GKAP1: variants seen among roughly 807,000 people sequenced by gnomAD.
GKAP1 encodes the protein G kinase anchoring protein 1, also known as G kinase-anchoring protein 1.
A neutral mutation model predicts 56.7 loss-of-function variants in GKAP1; 31 were observed. That is an observed-to-expected ratio of 0.55 (90% confidence interval 0.41 to 0.74). The LOEUF (loss-of-function observed/expected upper bound fraction) is 0.74, where lower values mean the gene tolerates loss of function less well. Ranked by LOEUF, GKAP1 falls within the 30% of genes least tolerant of loss-of-function variation. The probability of loss-of-function intolerance (pLI) is 0.00; values close to 1 mark genes in which losing one functional copy is unlikely to be tolerated. For synonymous variants in GKAP1, 151 were observed against 138.6 expected (o/e 1.09, Z -0.63); for missense variants, 364 against 402.3 (o/e 0.90, Z 0.82).
intron 4 of GKAP1, among the ~76,000 whole-genome samples, 167 bp downstream of exon 4, chr9:83,799,018 T>C (rs969736207): frequency 6.6e-6 from 1 of 152,150 alleles, no homozygotes; most frequent in Admixed American, 6.5e-5. Flanking sequence ...ATCACTTTTG[T>C]TTTTCAGTAG....
At chr9:83,783,546 G>A (rs1322797004) in intron 6 of GKAP1, among the ~76,000 whole-genome samples, 3 of 152,160 alleles carry the variant, frequency 2.0e-5, no homozygotes, top group East Asian at 3.8e-4. Context: ...ATCTTCAAAA[G>A]TTTAGTGGAT....
At chr9:83,807,034 G>C (rs917185264) in intron 2 of GKAP1, among the ~76,000 whole-genome samples, 6 of 152,288 alleles carry the variant, frequency 3.9e-5, no homozygotes, top group African/African-American at 1.4e-4. Flanking sequence ...CCATAGGTTT[G>C]ATTCTAGAGA....
At chr9:83,760,591 C>T (rs7849343) in intron 8 of GKAP1, among the ~76,000 whole-genome samples, 85,676 of 151,966 alleles carry the variant, frequency 0.56, 24,764 homozygotes, top group Admixed American at 0.7. Context: ...ACACAGATCA[C>T]TCTCAAGGAT....
At chr9:83,783,544 A>C (rs1354944686) in intron 6 of GKAP1, among the ~76,000 whole-genome samples, 1 of 152,246 alleles carries the variant, frequency 6.6e-6, no homozygotes, top group African/African-American at 2.4e-5. Flanking sequence ...TTATCTTCAA[A>C]AGTTTAGTGG....
intron 3 of GKAP1, among the ~76,000 whole-genome samples, chr9:83,800,271 C>T (rs1467716592): frequency 1.3e-5 from 2 of 151,242 alleles, no homozygotes; most frequent in Non-Finnish European, 2.9e-5. Context: ...ATGAGTTAGC[C>T]CTGTTCTGCA....
At chr9:83,784,126 G>A (rs1310664566) in intron 6 of GKAP1, among the ~76,000 whole-genome samples, 1 of 151,748 alleles carries the variant, frequency 6.6e-6, no homozygotes, top group Admixed American at 6.5e-5. Flanking sequence ...GACTAGTTGG[G>A]CATGGTGGCA....
In GKAP1 at chr9:83,784,942, G is replaced by A. The variant is rs577688020; in HGVS notation, c.439-104C>T. ...AAAGTTTATTTTTTAAAGATAAAAGGCAAATAAAAAACCAAAATTTAGGCT... is the reference window on the plus strand; with the variant it reads ...AAAGTTTATTTTTTAAAGATAAAAGACAAATAAAAAACCAAAATTTAGGCT... On this transcript the variant is annotated intron_variant, in intron 5 of 12. Transcript: ENST00000376371. 226 of 1,032,420 alleles carry A rather than the reference G, an allele frequency of 2.2e-4. 1 individual carries two copies. In the East Asian group the frequency reaches 6.4e-3, roughly 29 times the overall value. 64.0% of individuals were successfully genotyped at this position (1,032,420 alleles called of 1,614,324 possible). A position where few individuals can be genotyped will look rare whatever the true frequency, so the allele number is the denominator to read the frequency against.
intron 10 of GKAP1, among the ~76,000 whole-genome samples, chr9:83,743,980 C>T (rs1046424268): frequency 2.0e-5 from 3 of 152,040 alleles, no homozygotes; most frequent in African/African-American, 4.8e-5. Context: ...ATAAAATTAG[C>T]AAAGGAGGAA....
chr9:83,800,540 G>T (rs946765439), intron 3 of GKAP1, among the ~76,000 whole-genome samples: 1 of 151,946 alleles, frequency 6.6e-6, no homozygotes, highest in Admixed American at 6.6e-5. Flanking sequence ...CACCATGTTG[G>T]CCAGGCTGGT....
chr9:83,785,227 T>G lies in GKAP1; in HGVS notation c.439-389A>C, dbSNP rs147818158. 3.3e-3 allele frequency among the ~76,000 whole-genome samples: 497 copies of G among 152,338 alleles called. 3 individuals are homozygous for G. The highest frequency in any genetic ancestry group is 3.3e-3 in the South Asian group (16 of 4,826). ...TGCCATATCCAAAACACATTATTTT[T>G]TTCAAGCATCTCTTGGTTTTCTTAA... On this transcript the variant is annotated intron_variant, in intron 5 of 12. Transcript: ENST00000376371.
chr9:83,815,154 G>A (rs889274428), intron 2 of GKAP1, among the ~76,000 whole-genome samples: 30 of 152,126 alleles, frequency 2.0e-4, no homozygotes, highest in African/African-American at 6.8e-4. Flanking sequence ...CCTGGCAACA[G>A]AGCGAGAGAC....
At chr9:83,765,376 C>A (rs1319969417) in intron 8 of GKAP1, among the ~76,000 whole-genome samples, 1 of 152,200 alleles carries the variant, frequency 6.6e-6, no homozygotes, top group Non-Finnish European at 1.5e-5. Flanking sequence ...TCATGGAGAA[C>A]CTCTGCTAGG....
Position 83,769,813 on chromosome 9 carries a change from T to C in GKAP1, c.586-843A>G, listed in dbSNP as rs138385861. Among the ~76,000 whole-genome samples, 592 of 152,344 alleles carry C rather than the reference T, an allele frequency of 3.9e-3. 10 individuals are homozygous for C. Among genetic ancestry groups the C allele is most frequent in the African/African-American group, 0.013 (557 of 41,586 alleles). ...GATAATTTTCCAAAGCAGCCCATCA[T>C]TTTACAATCCCATCAGCAGTCAAGT... On this transcript the variant is annotated intron_variant, in intron 7 of 12. Transcript: ENST00000376371.
intron 8 of GKAP1, among the ~76,000 whole-genome samples, chr9:83,768,442 C>T (rs574793661): frequency 2.6e-5 from 4 of 152,290 alleles, no homozygotes; most frequent in African/African-American, 4.8e-5. Flanking sequence ...TTGTTCATAT[C>T]CCCCTTAAAG....
intron 8 of GKAP1, among the ~76,000 whole-genome samples, chr9:83,756,470 CAAAAAA>C (rs142896755): frequency 0.02 from 1,534 of 75,544 alleles, 21 homozygotes; most frequent in African/African-American, 0.074. Flanking sequence ...GACTCCATCT[CAAAAAA>C]AAAAAAAAAA....
At chr9:83,769,448 G>T (rs1943720243) in intron 7 of GKAP1, among the ~76,000 whole-genome samples, 1 of 152,152 alleles carries the variant, frequency 6.6e-6, no homozygotes, top group Non-Finnish European at 1.5e-5. Flanking sequence ...TGTCTCTATA[G>T]ATTTGCCTAT....
rs201056607 is a variant in GKAP1 at position 83,791,128 on chromosome 9, CG to C, written c.361-2451del. 1.4e-4 allele frequency among the ~76,000 whole-genome samples: 22 copies of C among 152,220 alleles called. No homozygotes were observed. The East Asian group carries it at 4.3e-3, about 29-fold the overall frequency. ...AATGAAATAGAAATTTTAGGCCAGGCGTGGTGGCTCATGCCTGTAATCCCAG... is the reference window on the plus strand; with the variant it reads ...AATGAAATAGAAATTTTAGGCCAGGCTGGTGGCTCATGCCTGTAATCCCAG... On this transcript the variant is annotated intron_variant, in intron 4 of 12. Coordinates refer to ENST00000376371, the MANE Select transcript of GKAP1 (RefSeq NM_025211.4).
chr9:83,761,297 C>T (rs995328931), intron 8 of GKAP1, among the ~76,000 whole-genome samples: 5 of 151,990 alleles, frequency 3.3e-5, no homozygotes, highest in Admixed American at 3.3e-4. Context: ...CTATGAGCAA[C>T]TATATGCCAA....
chr9:83,776,477 A>C (rs775702465), intron 7 of GKAP1, among the ~76,000 whole-genome samples: 1 of 152,194 alleles, frequency 6.6e-6, no homozygotes, highest in Non-Finnish European at 1.5e-5. Flanking sequence ...CAGGTGGATC[A>C]CGAGGTCAAG....
Sources: allele counts gnomAD v4.1 joint callset (sites outside exome capture counted in the v4.1 genomes callset), GRCh38; gene constraint gnomAD v4.1.1; transcripts MANE v1.5; gene names NCBI Gene and HGNC (gene_info 2026-07-23, HGNC 2026-07-21).